Variants in NTRK1 observed in about 807,000 individuals in gnomAD.
NTRK1 encodes high affinity nerve growth factor receptor.
NTRK1 carries 62 observed loss-of-function variants against 86.8 expected under a neutral mutation model. The ratio of observed to expected loss-of-function variants is 0.71; its 90% CI spans 0.58 to 0.88. The LOEUF is 0.88. Ranked by LOEUF, NTRK1 falls within the 40% of genes least tolerant of loss-of-function variation. The probability of loss-of-function intolerance (pLI) is 0.00; values close to 1 mark genes in which losing one functional copy is unlikely to be tolerated. For missense variants in NTRK1, 967 were observed against 1,078.4 expected (o/e 0.90, Z 1.45); for synonymous variants, 469 against 456.6 (o/e 1.03, Z -0.35).
chr1:156,878,642 C>T (rs1192867358), intron 14 of NTRK1, among the ~76,000 whole-genome samples: 1 of 152,112 alleles, frequency 6.6e-6, no homozygotes, highest in African/African-American at 2.4e-5. Context: ...ATCCTGGACA[C>T]CTTCGAAAGG....
intron 1 of NTRK1, among the ~76,000 whole-genome samples, chr1:156,820,094 T>C (rs1054060663): frequency 3.2e-4 from 48 of 152,228 alleles, no homozygotes; most frequent in African/African-American, 1.1e-3. Flanking sequence ...TTCTAGAATT[T>C]TTATGGTTTC....
intron 1 of NTRK1, among the ~76,000 whole-genome samples, chr1:156,828,667 G>A (rs80279206): frequency 0.036 from 5,543 of 152,348 alleles, 160 homozygotes; most frequent in African/African-American, 0.072. Flanking sequence ...TTACCCTTCA[G>A]TATACGGGTG....
intron 1 of NTRK1, among the ~76,000 whole-genome samples, chr1:156,839,470 C>T (rs2102849757): frequency 6.6e-6 from 1 of 152,382 alleles, no homozygotes; most frequent in Non-Finnish European, 1.5e-5. Flanking sequence ...CCTCATGGCA[C>T]TGGCAGAAAA....
At chr1:156,846,039 G>A in intron 2 of NTRK1, 1 of 1,613,866 alleles carries the variant, frequency 6.2e-7, no homozygotes, top group Non-Finnish European at 8.5e-7. Flanking sequence ...TTCCCATTGC[G>A]CTGGGTCGGT....
intron 1 of NTRK1, among the ~76,000 whole-genome samples, chr1:156,838,374 GCT>G (rs1654651611): frequency 6.9e-6 from 1 of 145,596 alleles, no homozygotes. Flanking sequence ...CCAGCTACAG[GCT>G]TTTTTTTTTT....
intron 6 of NTRK1, among the ~76,000 whole-genome samples, chr1:156,870,835 C>T (rs1163588329): frequency 2.6e-5 from 4 of 152,170 alleles, no homozygotes; most frequent in Non-Finnish European, 5.9e-5. Flanking sequence ...GAAGAATTGT[C>T]GTAAGATCAT....
intron 2 of NTRK1, chr1:156,845,325 C>T (rs760202395): frequency 2.5e-6 from 4 of 1,610,112 alleles, no homozygotes; most frequent in East Asian, 4.5e-5. Flanking sequence ...AGCCAAGGCC[C>T]AGCCCCCAAA....
chr1:156,849,035 G>T lies in NTRK1; in HGVS notation c.50+6842G>T, dbSNP rs779540635. The T allele has an allele frequency of 3.1e-6, 5 of 1,613,342 alleles. No homozygotes were observed. In the South Asian group the frequency reaches 5.5e-5, roughly 18 times the overall value. ...CGTCACGTTGGACACGAAGCGCAGG[G>T]TGCGAGTCTGGCCTGGGTGGGGCGA... On this transcript the variant is annotated intron_variant, in intron 2 of 16. Transcript: ENST00000392302.
rs953826098 is a variant in NTRK1 at position 156,844,884 on chromosome 1, C to A, written c.50+2691C>A. The A allele has an allele frequency of 1.9e-6, 3 of 1,611,058 alleles. No homozygotes were observed. In the African/African-American group the frequency reaches 4.0e-5, roughly 22 times the overall value. ...TCCAGCAGCCGGGCCAAAAGTGGTT[C>A]ATCTCACCTTATGTTCAAACCCAAG... On this transcript the variant is annotated intron_variant, in intron 2 of 16. Transcript: ENST00000392302.
Position 156,869,018 on chromosome 1 carries a change from CCCTTCCTTCCTTCCTT to C in NTRK1, c.717+428_717+443del, listed in dbSNP as rs773795513. On this transcript the variant is annotated intron_variant, in intron 6 of 16. Coordinates refer to ENST00000524377, the MANE Select transcript of NTRK1 (RefSeq NM_002529.4). ...CCTCCCGTACATCACTTTTCTCTCT[CCCTTCCTTCCTTCCTT>C]CCTTCCTTCCTTCCTTCCTTCCTTC... 8.0e-4 allele frequency among the ~76,000 whole-genome samples: 35 copies of C among 43,560 alleles called. 1 individual carries two copies. Among genetic ancestry groups the C allele is most frequent in the East Asian group, 5.9e-3 (11 of 1,862 alleles). The allele number at this position is 43,560 out of a possible 152,430, so 28.6% of individuals were successfully genotyped here. A position where few individuals can be genotyped will look rare whatever the true frequency, so the allele number is the denominator to read the frequency against.
At chr1:156,859,170 T>G (rs41328046), upstream of NTRK1, among the ~76,000 whole-genome samples, 4,639 of 72,224 alleles carry the variant, frequency 0.064, 234 homozygotes, top group African/African-American at 0.19. The surrounding 1 kb of genome is among the most constrained non-coding windows in gnomAD (Gnocchi z 6.2). Flanking sequence ...GCCCCCCGCC[T>G]AAACAGATTG....
intron 1 of NTRK1, among the ~76,000 whole-genome samples, chr1:156,830,900 G>C (rs1160225345): frequency 6.6e-6 from 1 of 152,200 alleles, no homozygotes; most frequent in Non-Finnish European, 1.5e-5. Context: ...GCCATCAGAG[G>C]CTTGGGTATT....
At chr1:156,860,737 CAG>C, upstream of NTRK1, 1 of 1,061,092 alleles carries the variant, frequency 9.4e-7, no homozygotes, top group Non-Finnish European at 1.2e-6. Context: ...GGGGAGGGGG[CAG>C]AGGGGGGGGC....
intron 3 of NTRK1, among the ~76,000 whole-genome samples, chr1:156,866,089 TG>T (rs1158520573): frequency 6.6e-6 from 1 of 152,208 alleles, no homozygotes; most frequent in African/African-American, 2.4e-5. Context: ...GTCACACAGC[TG>T]TAAGTGGCAG....
At chr1:156,875,886 T>C (rs958728811) in intron 12 of NTRK1, 194 bp from the exon 13 acceptor site, 15 of 1,083,460 alleles carry the variant, frequency 1.4e-5, no homozygotes, top group Middle Eastern at 2.9e-4. Context: ...GCCCAAACCA[T>C]GTCCTCTCGG....
rs778231001 is a variant in NTRK1 at position 156,843,033 on chromosome 1, C to A, written c.50+840C>A. 7.4e-6 allele frequency: 12 copies of A among 1,614,008 alleles called. No homozygotes were observed. The East Asian group carries it at 2.5e-4, about 33-fold the overall frequency. ...TGGTGACACTTGAAGGCTTTCATGA[C>A]AGAAGCTTCCTTGAGGAACTCAATG... On this transcript the variant is annotated intron_variant, in intron 2 of 16. Transcript: ENST00000392302.
At position 156,868,139 on chromosome 1, in the gene NTRK1, C is replaced by T. The variant is rs2102892785; in HGVS notation, c.464C>T (p.Ala155Val). The T allele has an allele frequency of 6.2e-7, 1 of 1,613,936 alleles. No homozygotes were observed. Among genetic ancestry groups the T allele is most frequent in the Non-Finnish European group, 8.5e-7 (1 of 1,180,048 alleles). ...LSGNPLHCSC[A>V]LRWLQRWEEE... is the part of the protein sequence containing the mutation. ...GGGAACCCTCTGCACTGTTCTTGTG[C>T]CCTGCGCTGGCTACAGCGCTGGGAG... Residue 155 changes from alanine (A) to valine (V), a missense_variant, in exon 5 of 17, where the codon GCC becomes GTC. Physicochemically the swap from Ala to Val is moderately conservative, Grantham distance 64 (BLOSUM62 0). Transcript: ENST00000524377.
intron 2 of NTRK1, chr1:156,851,940 G>A (rs1428746661): frequency 3.7e-6 from 6 of 1,605,254 alleles, no homozygotes; most frequent in Non-Finnish European, 5.1e-6. Flanking sequence ...CAACTGCCCT[G>A]GTGTATGCCG....
At position 156,875,504 on chromosome 1, in the gene NTRK1, T is replaced by C. The variant is rs2102914990; in HGVS notation, c.1355-16T>C. 6.2e-7 allele frequency: 1 copy of C among 1,613,690 alleles called. No homozygotes were observed. Among genetic ancestry groups the C allele is most frequent in the Non-Finnish European group, 8.5e-7 (1 of 1,179,992 alleles). On this transcript the variant is annotated splice_polypyrimidine_tract_variant and intron_variant, in intron 11 of 16. Coordinates refer to ENST00000524377, the MANE Select transcript of NTRK1 (RefSeq NM_002529.4). ...GTGTGGGCAAACCCCTCCATGCGGC[T>C]GTGTCTCCTCTCTAGGCCCGGCTGT... is the stretch of plus-strand genomic sequence containing the variant.
Sources: allele counts gnomAD v4.1 joint callset (sites outside exome capture counted in the v4.1 genomes callset), GRCh38; gene constraint gnomAD v4.1.1; non-coding constraint Gnocchi (gnomAD v3.1); transcripts MANE v1.5; gene names NCBI Gene and HGNC (gene_info 2026-07-23, HGNC 2026-07-21).